The following COPG2 variants were observed in gnomAD, a reference collection of about 807,000 sequenced individuals.
COPG2 encodes the protein coatomer subunit gamma-2.
Under a neutral mutation model 46.3 loss-of-function variants are expected in COPG2, and 37 were observed. The observed-to-expected ratio is 0.80, with a 90% confidence interval of 0.61 to 1.05. COPG2 has a LOEUF of 1.05. Ranked by LOEUF, COPG2 falls within the 50% of genes least tolerant of loss-of-function variation. COPG2 has a pLI of 0.00. For synonymous variants in COPG2, 159 were observed against 129.7 expected (o/e 1.23, Z -1.53); for missense variants, 427 against 387.8 (o/e 1.10, Z -0.85).
intron 20 of COPG2, among the ~76,000 whole-genome samples, chr7:130,543,466 G>A (rs1204241750): frequency 2.0e-5 from 3 of 152,216 alleles, no homozygotes; most frequent in Non-Finnish European, 4.4e-5. Flanking sequence ...TTAGAGTCAG[G>A]AGAATAAACG....
At chr7:130,587,032 C>CA in intron 9 of COPG2, among the ~76,000 whole-genome samples, 1 of 151,780 alleles carries the variant, frequency 6.6e-6, no homozygotes, top group South Asian at 2.1e-4. Flanking sequence ...TTCAGCTGGG[C>CA]GTGGTGGCTC....
chr7:130,531,905 C>T (rs1478543865), intron 20 of COPG2, among the ~76,000 whole-genome samples: 1 of 152,104 alleles, frequency 6.6e-6, no homozygotes, highest in Non-Finnish European at 1.5e-5. Flanking sequence ...ATCCAATCAT[C>T]TGAGGGGTAA....
intron 5 of COPG2, chr7:130,645,177 C>T (rs1419018508): frequency 9.8e-6 from 6 of 610,314 alleles, no homozygotes. Flanking sequence ...CCTCATGCTT[C>T]CACGTATTCA....
At chr7:130,626,400 A>ATTTTTTTTTT (rs60484682) in intron 5 of COPG2, among the ~76,000 whole-genome samples, 2 of 119,840 alleles carry the variant, frequency 1.7e-5, no homozygotes, top group Admixed American at 8.7e-5. Context: ...CACCAGGCTA[A>ATTTTTTTTTT]TTTTTTTTTT....
intron 5 of COPG2, among the ~76,000 whole-genome samples, chr7:130,617,937 C>A (rs565179217): frequency 5.3e-5 from 8 of 151,570 alleles, no homozygotes; most frequent in African/African-American, 1.9e-4. Context: ...CCCATCTCTA[C>A]AGATAATACA....
intron 9 of COPG2, among the ~76,000 whole-genome samples, chr7:130,601,369 T>C (rs1378151371): frequency 1.3e-5 from 2 of 152,224 alleles, no homozygotes; most frequent in Admixed American, 1.3e-4. Flanking sequence ...CACACGTATG[T>C]TTATTGTGGC....
intron 9 of COPG2, 114 bp downstream of exon 9, chr7:130,610,839 G>T: frequency 1.0e-6 from 1 of 997,686 alleles, no homozygotes; most frequent in South Asian, 1.3e-5. Flanking sequence ...GAAAAACATT[G>T]AACTCATCTG....
At chr7:130,553,362 A>G (rs907327602) in intron 14 of COPG2, among the ~76,000 whole-genome samples, 7 of 151,666 alleles carry the variant, frequency 4.6e-5, no homozygotes, top group African/African-American at 7.3e-5. Context: ...AGCAGAGTGT[A>G]AAGAATAGGC....
chr7:130,651,989 A>G (rs1795756659), intron 5 of COPG2, among the ~76,000 whole-genome samples: 1 of 152,214 alleles, frequency 6.6e-6, no homozygotes. Context: ...TGGAATACGT[A>G]GATTGACTCC....
chr7:130,544,755 T>A (rs1793405084), intron 20 of COPG2, among the ~76,000 whole-genome samples: 1 of 152,158 alleles, frequency 6.6e-6, no homozygotes, highest in Non-Finnish European at 1.5e-5. Context: ...AGAAGGAATG[T>A]TGCCTTAAAG....
chr7:130,606,188 T>C (rs1554451204), intron 9 of COPG2, among the ~76,000 whole-genome samples: 1 of 149,296 alleles, frequency 6.7e-6, no homozygotes, highest in African/African-American at 2.5e-5. Context: ...ACTGTGCCAC[T>C]GTACTCCAGC....
intron 20 of COPG2, among the ~76,000 whole-genome samples, chr7:130,535,840 T>C (rs1799874767): frequency 6.6e-6 from 1 of 151,964 alleles, no homozygotes; most frequent in African/African-American, 2.4e-5. Context: ...GAATACAGGC[T>C]AGAGAAGACA....
chr7:130,667,379 TTTC>T lies in COPG2; in HGVS notation c.90+100_90+102del, dbSNP rs568746316. Reference sequence around the variant, plus strand: ...TCTATATTCCCTAAACTCTGTTACGTTTCTTGTTTTGCATGTCGTGATCACAGC... The same window carrying T: ...TCTATATTCCCTAAACTCTGTTACGTTTGTTTTGCATGTCGTGATCACAGC... On this transcript the variant is annotated intron_variant, in intron 2 of 23. Transcript: ENST00000425248. 4.8e-4 allele frequency: 431 copies of T among 894,710 alleles called. 1 individual carries two copies. The highest frequency in any genetic ancestry group is 7.0e-4 in the Non-Finnish European group (393 of 564,060). 55.4% of individuals were successfully genotyped at this position (894,710 alleles called of 1,614,324 possible).
At chr7:130,638,351 TC>T (rs1554456680) in intron 5 of COPG2, among the ~76,000 whole-genome samples, 1 of 152,152 alleles carries the variant, frequency 6.6e-6, no homozygotes, top group East Asian at 1.9e-4. Context: ...AGGTGCTCTG[TC>T]CCAGGGAGAT....
In COPG2 at chr7:130,587,724, T is replaced by C. The variant is rs1012709284; in HGVS notation, c.737+23229A>G. Among the ~76,000 whole-genome samples the C allele has an allele frequency of 2.4e-4, 36 of 152,208 alleles. No homozygotes were observed. In the South Asian group the frequency reaches 3.7e-3, roughly 16 times the overall value. On this transcript the variant is annotated intron_variant, in intron 9 of 23. Coordinates refer to ENST00000425248, the MANE Select transcript of COPG2 (RefSeq NM_012133.6). ...AACCTAGGCAATACCATTCAGGACA[T>C]AGGCATGGGCAAGGACTTCATGTCT... is the stretch of plus-strand genomic sequence containing the variant.
chr7:130,537,467 C>T (rs1465046684), intron 20 of COPG2, among the ~76,000 whole-genome samples: 3 of 150,162 alleles, frequency 2.0e-5, no homozygotes, highest in South Asian at 4.4e-4. Flanking sequence ...GCTGAGAGAA[C>T]GCAGCATGGT....
intron 9 of COPG2, among the ~76,000 whole-genome samples, chr7:130,566,781 C>T (rs1793810200): frequency 6.6e-6 from 1 of 152,140 alleles, no homozygotes; most frequent in South Asian, 2.1e-4. Flanking sequence ...TGGACTTTTT[C>T]CCAGCAGAAT....
At chr7:130,553,333 C>T (rs940727611) in intron 14 of COPG2, among the ~76,000 whole-genome samples, 12,292 of 151,630 alleles carry the variant, frequency 0.081, 835 homozygotes, top group African/African-American at 0.18. Flanking sequence ...AAGTCCCCCC[C>T]GCCTTTTCTT....
intron 5 of COPG2, among the ~76,000 whole-genome samples, chr7:130,626,723 T>C (rs1795127686): frequency 6.6e-6 from 1 of 152,192 alleles, no homozygotes; most frequent in African/African-American, 2.4e-5. Flanking sequence ...AATATCCACC[T>C]TTCCTTCCTT....
Sources: gnomAD v4.1 joint callset for allele counts (sites outside exome capture counted in the v4.1 genomes callset) on GRCh38, gnomAD v4.1.1 for gene constraint, MANE v1.5 for transcripts, NCBI Gene and HGNC (gene_info 2026-07-23, HGNC 2026-07-21) for gene names.